Variants in C3orf22 observed in about 807,000 individuals in gnomAD.
The protein encoded by C3orf22 is uncharacterized protein C3orf22.
In C3orf22, 7 loss-of-function variants were observed where a neutral mutation model predicts 10.8. The ratio of observed to expected loss-of-function variants is 0.65; its 90% CI spans 0.37 to 1.22. The LOEUF is 1.22. C3orf22 is among the 50% of genes most tolerant of loss of function. The pLI is 0.02. For missense variants in C3orf22, 173 were observed against 177.0 expected (o/e 0.98, Z 0.13); for synonymous variants, 79 against 78.9 (o/e 1.00, Z 0.00).
chr3:126,548,843 A>G (rs1203536398), downstream of C3orf22, among the ~76,000 whole-genome samples: 1 of 151,994 alleles, frequency 6.6e-6, no homozygotes. Context: ...AAGGGTCCTC[A>G]CTTCACTTCC....
chr3:126,541,625 G>C (rs2107573478), intron 4 of C3orf22: 2 of 1,100,614 alleles, frequency 1.8e-6, no homozygotes, highest in Non-Finnish European at 2.4e-6. Flanking sequence ...GGTGCCCGGC[G>C]CAGCTCCTGC....
In C3orf22 at chr3:126,529,124, G is replaced by A. The variant is rs1480706938; in HGVS notation, c.*218+8C>T. The A allele has an allele frequency of 1.5e-5, 6 of 409,802 alleles. No individual in the cohort carries two copies. The East Asian group carries it at 4.3e-4, about 29-fold the overall frequency. The allele number at this position is 409,802 out of a possible 1,614,324, so 25.4% of individuals were successfully genotyped here. ...CAGCATCCCCCTACATGATGGCTGT[G>A]CCCTCACCCTGCACAGGGCGCGAGC... is the stretch of plus-strand genomic sequence containing the variant. On this transcript the variant is annotated splice_region_variant and intron_variant and NMD_transcript_variant, in intron 5 of 5. Coordinates refer to the C3orf22 transcript ENST00000505070.
chr3:126,549,042 G>A (rs1466106123), downstream of C3orf22, among the ~76,000 whole-genome samples: 2 of 152,168 alleles, frequency 1.3e-5, no homozygotes, highest in Non-Finnish European at 2.9e-5. Context: ...GCACCCCGCT[G>A]CCCAGTGCTG....
rs192906199 is a variant in C3orf22 at position 126,550,841 on chromosome 3, G to A, written c.216-763C>T. Among the ~76,000 whole-genome samples the A allele has an allele frequency of 5.1e-4, 78 of 152,362 alleles. No homozygotes were observed. The East Asian group carries it at 0.013, about 25-fold the overall frequency. On this transcript the variant is annotated intron_variant, in intron 3 of 3. Coordinates refer to ENST00000318225, the MANE Select transcript of C3orf22 (RefSeq NM_152533.3). ...ACTGCCCCCTTCAGCTCCCTGACAT[G>A]TTCCCAGCAGCAGGGGTTCAGCCCC...
chr3:126,537,290 G>C (rs1352684144), intron 4 of C3orf22, among the ~76,000 whole-genome samples: 1 of 152,252 alleles, frequency 6.6e-6, no homozygotes, highest in Non-Finnish European at 1.5e-5. Context: ...AGGCCTGGCG[G>C]GGAGTGGAGG....
intron 4 of C3orf22, chr3:126,536,283 G>A (rs764723746): frequency 1.2e-6 from 2 of 1,613,786 alleles, no homozygotes; most frequent in East Asian, 2.2e-5. Context: ...TTTGGAAACA[G>A]AGCCCTGGGC....
chr3:126,550,361 A>G lies in C3orf22; in HGVS notation c.216-283T>C, dbSNP rs116051628. On this transcript the variant is annotated intron_variant, in intron 3 of 3. Transcript: ENST00000318225. ...CCCAGTGCCTCCTGAGCCCCAGCCC[A>G]TAAGTGGCTGGGGACGTGGTCTCAA... 8.3e-3 allele frequency among the ~76,000 whole-genome samples: 1,263 copies of G among 152,292 alleles called. 12 individuals carry two copies. The highest frequency in any genetic ancestry group is 0.029 in the African/African-American group (1,202 of 41,568).
At chr3:126,547,923 G>A (rs2107577546), downstream of C3orf22, among the ~76,000 whole-genome samples, 1 of 152,304 alleles carries the variant, frequency 6.6e-6, no homozygotes, top group Admixed American at 6.5e-5. Context: ...GAAAATGAAG[G>A]AACTACAGCA....
rs1323372480 is a variant in C3orf22 at position 126,549,929 on chromosome 3, T to C, written c.365A>G (p.His122Arg). 6.2e-7 allele frequency: 1 copy of C among 1,613,936 alleles called. No homozygotes were observed. Among genetic ancestry groups the C allele is most frequent in the Non-Finnish European group, 8.5e-7 (1 of 1,180,010 alleles). The change falls in exon 4 of 4, where the codon CAC (histidine) becomes CGC (arginine). Residue 122 changes from histidine (H) to arginine (R), a missense_variant. Transcript: ENST00000318225. ...RQLAFLLSTR[H>R]TEAACPQTSK... ...GGTCTGGGGGCAGGCAGCCTCAGTG[T>C]GCCGGGTGGACAGCAGGAAGGCGAG...
At chr3:126,542,164 C>A in intron 4 of C3orf22, 1 of 1,491,978 alleles carries the variant, frequency 6.7e-7, no homozygotes, top group Non-Finnish European at 8.9e-7. Context: ...GTGCACGCAT[C>A]GTTCAGCGCC....
chr3:126,541,699 C>T (rs1160062592), intron 4 of C3orf22: 3 of 1,412,106 alleles, frequency 2.1e-6, no homozygotes, highest in African/African-American at 1.5e-5. Flanking sequence ...GCTGCCCTGA[C>T]GCGTCCCCCT....
At chr3:126,542,210 G>A (rs2107574185) in intron 4 of C3orf22, 2 of 1,454,566 alleles carry the variant, frequency 1.4e-6, no homozygotes, top group Non-Finnish European at 9.0e-7. Flanking sequence ...CCGGGCCCGC[G>A]GCCACGACGT....
chr3:126,541,011 G>A (rs1011762111), intron 4 of C3orf22, among the ~76,000 whole-genome samples: 2 of 152,230 alleles, frequency 1.3e-5, no homozygotes, highest in Non-Finnish European at 2.9e-5. Context: ...GGGCAGGAGT[G>A]ATCTGAAGAA....
intron 4 of C3orf22, among the ~76,000 whole-genome samples, chr3:126,534,175 C>A (rs1936714283): frequency 6.6e-6 from 1 of 152,114 alleles, no homozygotes; most frequent in African/African-American, 2.4e-5. Context: ...TCGCCTAACA[C>A]CTTATTAGTT....
chr3:126,556,852 A>C (rs975002091), intron 1 of C3orf22, among the ~76,000 whole-genome samples: 166 of 135,594 alleles, frequency 1.2e-3, no homozygotes, highest in African/African-American at 3.4e-3. Flanking sequence ...GACACCCCCC[A>C]CACACAGACT....
rs188281899 is a variant in C3orf22 at position 126,530,739 on chromosome 3, G to A, written c.287-1367C>T. On this transcript the variant is annotated intron_variant and NMD_transcript_variant, in intron 4 of 5. Coordinates refer to the C3orf22 transcript ENST00000505070. Reference sequence around the variant, plus strand: ...TCCTGTCAGCTCCTTTTCTGATGACGGTGTCGTTCCTGGGACATGTCCGGC... The same window carrying A: ...TCCTGTCAGCTCCTTTTCTGATGACAGTGTCGTTCCTGGGACATGTCCGGC... Among the ~76,000 whole-genome samples, 209 of 152,342 alleles carry A rather than the reference G, an allele frequency of 1.4e-3. 1 individual carries two copies. The highest frequency in any genetic ancestry group is 3.4e-3 in the Middle Eastern group (1 of 294).
intron 4 of C3orf22, among the ~76,000 whole-genome samples, chr3:126,529,870 G>T (rs1936615250): frequency 6.6e-6 from 1 of 152,224 alleles, no homozygotes; most frequent in Non-Finnish European, 1.5e-5. Flanking sequence ...CTCTGGGATG[G>T]GCCCTCCTGG....
intron 4 of C3orf22, among the ~76,000 whole-genome samples, chr3:126,533,168 C>A (rs1370020837): frequency 6.6e-6 from 1 of 152,094 alleles, no homozygotes; most frequent in Admixed American, 6.5e-5. Context: ...ACGGTTATGT[C>A]ATCTATGAAT....
intron 4 of C3orf22, among the ~76,000 whole-genome samples, chr3:126,535,662 GAGAC>G (rs1207473250): frequency 6.6e-6 from 1 of 152,192 alleles, no homozygotes; most frequent in Non-Finnish European, 1.5e-5. Context: ...TCCTCAGCTG[GAGAC>G]AGACAGACAG....
Sources: allele counts gnomAD v4.1 joint callset (sites outside exome capture counted in the v4.1 genomes callset), GRCh38; gene constraint gnomAD v4.1.1; transcripts MANE v1.5; gene names NCBI Gene and HGNC (gene_info 2026-07-23, HGNC 2026-07-21).